The following UGP2 variants were observed in gnomAD, a reference collection of about 807,000 sequenced individuals.
The protein encoded by UGP2 is UTP--glucose-1-phosphate uridylyltransferase.
In UGP2, 40 loss-of-function variants were observed where a neutral mutation model predicts 49.0. That is an observed-to-expected ratio of 0.82 (90% confidence interval 0.63 to 1.06). The LOEUF is 1.06. Among genes scored for constraint, UGP2 ranks in the 50% least tolerant of loss-of-function variants. The pLI is 0.00. For synonymous variants in UGP2, 225 were observed against 213.0 expected (o/e 1.06, Z -0.49); for missense variants, 460 against 603.5 (o/e 0.76, Z 2.49).
intron 1 of UGP2, among the ~76,000 whole-genome samples, chr2:63,849,041 C>A (rs1668867169): frequency 6.6e-6 from 1 of 152,118 alleles, no homozygotes; most frequent in East Asian, 1.9e-4. Flanking sequence ...CGTTAATATA[C>A]ATAAACAATA....
At chr2:63,861,723 T>C (rs1669866585) in intron 3 of UGP2, among the ~76,000 whole-genome samples, 2 of 151,272 alleles carry the variant, frequency 1.3e-5, no homozygotes, top group South Asian at 4.1e-4. Context: ...GACTTTTTCA[T>C]TTCAATATTT....
At chr2:63,857,300 C>CAA (rs1403972100) in intron 2 of UGP2, among the ~76,000 whole-genome samples, 5 of 110,006 alleles carry the variant, frequency 4.5e-5, no homozygotes, top group Non-Finnish European at 5.9e-5. Flanking sequence ...GACTCTGTCT[C>CAA]AAAAAAAAAA....
At chr2:63,882,051 C>T (rs973613712) in intron 3 of UGP2, among the ~76,000 whole-genome samples, 17 of 152,102 alleles carry the variant, frequency 1.1e-4, no homozygotes, top group African/African-American at 4.1e-4. Context: ...TGTAGTTCTC[C>T]AGAATTGAAG....
intron 1 of UGP2, among the ~76,000 whole-genome samples, chr2:63,850,381 G>A (rs1668970393): frequency 6.6e-6 from 1 of 152,120 alleles, no homozygotes; most frequent in African/African-American, 2.4e-5. Context: ...ATATCTCAGT[G>A]TAGTCATAGT....
intron 7 of UGP2, 21 bp downstream of exon 7, chr2:63,886,559 A>G: frequency 6.2e-7 from 1 of 1,613,026 alleles, no homozygotes; most frequent in Non-Finnish European, 8.5e-7. Flanking sequence ...GTTGTGGCCC[A>G]TTGAGCTTCC....
chr2:63,868,044 GT>G (rs1670293496), intron 3 of UGP2, among the ~76,000 whole-genome samples: 2 of 152,150 alleles, frequency 1.3e-5, no homozygotes, highest in Non-Finnish European at 2.9e-5. Context: ...AAAGCCCTAG[GT>G]TATATGTAGA....
intron 1 of UGP2, 168 bp downstream of exon 1, chr2:63,842,372 G>T (rs1044253630): frequency 1.0e-5 from 16 of 1,600,248 alleles, no homozygotes; most frequent in African/African-American, 1.3e-5. Flanking sequence ...CTGGGTTGAC[G>T]TTCCAGACGC....
chr2:63,842,663 A>ACGTGGTTTGCGTCTC, intron 1 of UGP2: 1 of 1,377,208 alleles, frequency 7.3e-7, no homozygotes, highest in East Asian at 2.6e-5. Context: ...GTTTGTGTGT[A>ACGTGGTTTGCGTCTC]CGTGGTTTGC....
At chr2:63,850,185 A>G (rs1285490550) in intron 1 of UGP2, among the ~76,000 whole-genome samples, 1 of 152,232 alleles carries the variant, frequency 6.6e-6, no homozygotes, top group African/African-American at 2.4e-5. Context: ...AGACTGGTTT[A>G]TATATAAATT....
At chr2:63,845,906 A>C (rs1288276438) in intron 1 of UGP2, among the ~76,000 whole-genome samples, 1 of 152,186 alleles carries the variant, frequency 6.6e-6, no homozygotes, top group East Asian at 1.9e-4. Flanking sequence ...GAAATGTTCA[A>C]TTAATAAAAA....
intron 9 of UGP2, among the ~76,000 whole-genome samples, chr2:63,890,668 A>G (rs1288790173): frequency 6.6e-6 from 1 of 152,230 alleles, no homozygotes; most frequent in Admixed American, 6.5e-5. Flanking sequence ...GAAAAAACAA[A>G]TACATATATT....
At chr2:63,849,440 A>G (rs908581990) in intron 1 of UGP2, among the ~76,000 whole-genome samples, 2 of 152,246 alleles carry the variant, frequency 1.3e-5, no homozygotes, top group African/African-American at 4.8e-5. Context: ...ACATAGTTAT[A>G]TCCACTGTTT....
At chr2:63,861,891 T>G (rs2104295613) in intron 3 of UGP2, among the ~76,000 whole-genome samples, 1 of 152,198 alleles carries the variant, frequency 6.6e-6, no homozygotes, top group East Asian at 1.9e-4. Context: ...AGACTTTTTC[T>G]TAGTCTATCA....
At chr2:63,878,128 C>A (rs1671048780) in intron 3 of UGP2, among the ~76,000 whole-genome samples, 1 of 150,484 alleles carries the variant, frequency 6.6e-6, no homozygotes, top group South Asian at 2.1e-4. Context: ...TTTGTTACTT[C>A]CAAAGCATAA....
Position 63,883,809 on chromosome 2 carries a change from G to T in UGP2, c.442-151G>T, listed in dbSNP as rs1015770110. On this transcript the variant is annotated intron_variant, in intron 4 of 9. Coordinates refer to ENST00000337130, the MANE Select transcript of UGP2 (RefSeq NM_006759.4). ...AATTGCTTAGCAAAATGTCTGGCTC[G>T]TGCTGAGCAGTTTTTTGTCAAATCT... The T allele has an allele frequency of 4.6e-6, 4 of 860,636 alleles. No homozygotes were observed. The South Asian group carries it at 5.8e-5, about 12-fold the overall frequency. The allele number at this position is 860,636 out of a possible 1,614,324, so 53.3% of individuals were successfully genotyped here. A position where few individuals can be genotyped will look rare whatever the true frequency, so the allele number is the denominator to read the frequency against.
intron 1 of UGP2, among the ~76,000 whole-genome samples, chr2:63,849,136 G>A (rs781480940): frequency 1.3e-4 from 19 of 151,962 alleles, no homozygotes; most frequent in Non-Finnish European, 2.8e-4. Context: ...TTGTGATTTC[G>A]CTTGTGTCCT....
chr2:63,854,178 A>G (rs978280429), intron 1 of UGP2, among the ~76,000 whole-genome samples: 4 of 152,228 alleles, frequency 2.6e-5, no homozygotes, highest in Non-Finnish European at 2.9e-5. Context: ...AAGTCATTCA[A>G]CTATTTTCAA....
intron 3 of UGP2, among the ~76,000 whole-genome samples, chr2:63,875,806 T>C (rs1670871516): frequency 6.6e-6 from 1 of 152,162 alleles, no homozygotes; most frequent in Non-Finnish European, 1.5e-5. Context: ...TCCTGTCTGT[T>C]TAGTTGCAGT....
intron 3 of UGP2, among the ~76,000 whole-genome samples, chr2:63,867,263 T>G (rs1028671990): frequency 6.6e-6 from 1 of 152,214 alleles, no homozygotes; most frequent in African/African-American, 2.4e-5. Context: ...ACACTTTTTT[T>G]TCCAATTTGT....
Sources: allele counts gnomAD v4.1 joint callset (sites outside exome capture counted in the v4.1 genomes callset), GRCh38; gene constraint gnomAD v4.1.1; transcripts MANE v1.5; gene names NCBI Gene and HGNC (gene_info 2026-07-23, HGNC 2026-07-21).